SLC22A24: variants seen among roughly 807,000 people sequenced by gnomAD.
SLC22A24 encodes steroid transmembrane transporter SLC22A24.
Under a neutral mutation model 49.8 loss-of-function variants are expected in SLC22A24, and 53 were observed. That is an observed-to-expected ratio of 1.06 (90% CI 0.85 to 1.34). The LOEUF (loss-of-function observed/expected upper bound fraction) is 1.34, where lower values mean the gene tolerates loss of function less well. SLC22A24 is among the 40% of genes most tolerant of loss of function. The pLI is 0.00. For synonymous variants in SLC22A24, 302 were observed against 256.4 expected, an observed-to-expected ratio of 1.18 and a Z score of -1.70; for missense variants, 786 against 675.9, an observed-to-expected ratio of 1.16 and a Z score of -1.81.
chr11:63,112,826 A>G (rs1317078415), intron 4 of SLC22A24, among the ~76,000 whole-genome samples: 7 of 151,234 alleles, frequency 4.6e-5, no homozygotes, highest in Admixed American at 4.6e-4. Context: ...ATCGTGGCTA[A>G]TATGGTGAAA....
intron 6 of SLC22A24, among the ~76,000 whole-genome samples, chr11:63,084,334 G>A (rs952264845): frequency 2.0e-5 from 3 of 152,162 alleles, no homozygotes; most frequent in Admixed American, 2.0e-4. Context: ...AGGTAGGGAT[G>A]CCTGTATTTG....
chr11:63,142,702 A>C (rs1053899614), intron 1 of SLC22A24, among the ~76,000 whole-genome samples: 2 of 152,148 alleles, frequency 1.3e-5, no homozygotes, highest in African/African-American at 4.8e-5. Context: ...CACCACCCAG[A>C]TCGATAAACT....
chr11:63,095,571 A>G (rs1302194199), intron 6 of SLC22A24, among the ~76,000 whole-genome samples: 1 of 152,182 alleles, frequency 6.6e-6, no homozygotes, highest in Non-Finnish European at 1.5e-5. Flanking sequence ...TGAAAGAGAC[A>G]TGAGAGATGA....
intron 5 of SLC22A24, among the ~76,000 whole-genome samples, chr11:63,098,837 C>A (rs1322098479): frequency 6.6e-6 from 1 of 151,928 alleles, no homozygotes; most frequent in East Asian, 1.9e-4. Flanking sequence ...TGAACAAAAG[C>A]TGGCTTTTTG....
chr11:63,134,601 C>G (rs1056668999), intron 2 of SLC22A24, 64 bp downstream of exon 2: 1 of 980,806 alleles, frequency 1.0e-6, no homozygotes, highest in Admixed American at 2.1e-5. Flanking sequence ...GTAAATATTT[C>G]TAAAATAAAG....
At chr11:63,102,007 A>G (rs2087094222) in intron 5 of SLC22A24, among the ~76,000 whole-genome samples, 1 of 152,150 alleles carries the variant, frequency 6.6e-6, no homozygotes, top group Admixed American at 6.6e-5. Flanking sequence ...GATAAATTGA[A>G]TAAGGTCAAG....
intron 8 of SLC22A24, 68 bp downstream of exon 8, chr11:63,081,486 TTTCA>T: frequency 9.4e-7 from 1 of 1,068,834 alleles, no homozygotes; most frequent in South Asian, 1.3e-5. Context: ...AGTGTCAGTC[TTTCA>T]TTCACAATGA....
At chr11:63,103,142 G>A (rs1386710814) in intron 5 of SLC22A24, among the ~76,000 whole-genome samples, 2 of 152,042 alleles carry the variant, frequency 1.3e-5, no homozygotes, top group East Asian at 3.9e-4. Flanking sequence ...AAATCATTTG[G>A]GGCCAGAGGC....
intron 2 of SLC22A24, among the ~76,000 whole-genome samples, chr11:63,132,732 T>A (rs2087345716): frequency 6.6e-6 from 1 of 152,178 alleles, no homozygotes; most frequent in Admixed American, 6.5e-5. Context: ...TACTGGGAAG[T>A]GTCTTCCAGT....
At chr11:63,111,907 G>T (rs1416295246) in intron 4 of SLC22A24, among the ~76,000 whole-genome samples, 1 of 151,754 alleles carries the variant, frequency 6.6e-6, no homozygotes, top group South Asian at 2.1e-4. Context: ...GAATGTGTTT[G>T]CTCTTGCTTT....
chr11:63,080,663 G>A (rs538402032), intron 9 of SLC22A24, among the ~76,000 whole-genome samples: 1 of 152,300 alleles, frequency 6.6e-6, no homozygotes, highest in Non-Finnish European at 1.5e-5. Flanking sequence ...ACTCATAATA[G>A]GCTAATTTGG....
At chr11:63,099,973 T>C (rs932801160) in intron 5 of SLC22A24, among the ~76,000 whole-genome samples, 1 of 152,124 alleles carries the variant, frequency 6.6e-6, no homozygotes, top group African/African-American at 2.4e-5. Flanking sequence ...AGTACCATAG[T>C]AAATGGATAA....
chr11:63,087,503 C>A (rs990164974), intron 6 of SLC22A24, among the ~76,000 whole-genome samples: 4 of 152,190 alleles, frequency 2.6e-5, no homozygotes, highest in African/African-American at 7.2e-5. Flanking sequence ...GCTCTTTGGG[C>A]AAACACTGGG....
chr11:63,130,322 A>G (rs1294557803), intron 2 of SLC22A24, among the ~76,000 whole-genome samples: 7 of 152,188 alleles, frequency 4.6e-5, no homozygotes, highest in Admixed American at 4.6e-4. Context: ...CCCAGGGATG[A>G]AGCCCACTTG....
intron 4 of SLC22A24, among the ~76,000 whole-genome samples, chr11:63,109,268 C>G (rs1341794134): frequency 6.8e-6 from 1 of 146,316 alleles, no homozygotes; most frequent in African/African-American, 2.5e-5. Flanking sequence ...TGGGTTGGTT[C>G]CAAGTCTTTG....
rs2087035125 is a variant in SLC22A24, at chr11:63,093,757, C to T, written c.1070+2234G>A. On this transcript the variant is annotated intron_variant, in intron 6 of 9. Transcript: ENST00000612278. The stretch of plus-strand genomic sequence containing the variant: ...AACTAATGGGTATTAGGCTCAATAC[C>T]TGGGTGATGAAATAATCTGTACCAC... Among the ~76,000 whole-genome samples, 5 of 152,012 alleles carry T rather than the reference C, an allele frequency of 3.3e-5. No individual in the cohort carries two copies. In the South Asian group the frequency reaches 8.3e-4, roughly 25 times the overall value.
In SLC22A24 at chr11:63,134,656, G is replaced by A. The variant is rs1478144567; in HGVS notation, c.506+9C>T. ...TAAACAGCCCCAAAGAAAGTGAGAT[G>A]ACACTCACCTGTCTGAAAGATGGCC... is the stretch of plus-strand genomic sequence containing the variant. On this transcript the variant is annotated intron_variant, in intron 2 of 9. Coordinates refer to ENST00000612278, the MANE Select transcript of SLC22A24 (RefSeq NM_001136506.2). 1 of 1,456,042 alleles carries A rather than the reference G, an allele frequency of 6.9e-7. No homozygotes were observed. Among genetic ancestry groups the A allele is most frequent in the Non-Finnish European group, 9.4e-7 (1 of 1,060,386 alleles). 90.2% of individuals were successfully genotyped at this position (1,456,042 alleles called of 1,614,324 possible). A position where few individuals can be genotyped will look rare whatever the true frequency, so the allele number is the denominator to read the frequency against.
intron 4 of SLC22A24, among the ~76,000 whole-genome samples, chr11:63,106,085 C>G: frequency 7.7e-6 from 1 of 130,448 alleles, no homozygotes; most frequent in Non-Finnish European, 1.6e-5. Context: ...TCCCCCCTCC[C>G]CCCACCCCAC....
intron 1 of SLC22A24, among the ~76,000 whole-genome samples, chr11:63,135,201 G>A (rs1217950072): frequency 1.3e-5 from 2 of 152,072 alleles, no homozygotes; most frequent in African/African-American, 2.4e-5. Context: ...CATCATGTAG[G>A]TAACATATGA....
Sources: allele counts gnomAD v4.1 joint callset (sites outside exome capture counted in the v4.1 genomes callset), GRCh38; gene constraint gnomAD v4.1.1; transcripts MANE v1.5; gene names NCBI Gene and HGNC (gene_info 2026-07-23, HGNC 2026-07-21).